AMPH: variants seen among roughly 807,000 people sequenced by gnomAD.
The protein encoded by AMPH is amphiphysin, also known as amphiphysin (Stiff-Mann syndrome with breast cancer 128kD autoantigen).
Under a neutral mutation model 99.1 loss-of-function variants are expected in AMPH, and 49 were observed. The observed-to-expected ratio is 0.49, with a 90% CI of 0.39 to 0.63. AMPH has a LOEUF of 0.63. Ranked by LOEUF, AMPH falls within the 20% of genes least tolerant of loss-of-function variation. The pLI, the probability that AMPH is intolerant of heterozygous loss-of-function variation, is 0.00. For missense variants in AMPH, 759 were observed against 863.4 expected (o/e 0.88, Z 1.52); for synonymous variants, 314 against 317.3 (o/e 0.99, Z 0.11).
At chr7:38,488,720 A>G (rs1034381881) in intron 5 of AMPH, among the ~76,000 whole-genome samples, 2 of 152,188 alleles carry the variant, frequency 1.3e-5, no homozygotes, top group Non-Finnish European at 2.9e-5. Context: ...CTGAGAAAGA[A>G]GTTACGAGAG....
rs139981853 is a variant in AMPH at position 38,468,425 on chromosome 7, A to C, written c.591-2177T>G. Among the ~76,000 whole-genome samples the C allele has an allele frequency of 4.0e-3, 606 of 152,290 alleles. 2 individuals are homozygous for C. The highest frequency in any genetic ancestry group is 0.014 in the African/African-American group (574 of 41,570). On this transcript the variant is annotated intron_variant, in intron 7 of 20. Transcript: ENST00000356264. ...TAGGCAAAAACAAAAAAGAAGTCCCATTCTTCTATATTTCAATTTTGTTTT... is the reference window on the plus strand; with the variant it reads ...TAGGCAAAAACAAAAAAGAAGTCCCCTTCTTCTATATTTCAATTTTGTTTT...
intron 3 of AMPH, 109 bp downstream of exon 3, chr7:38,503,541 C>T: frequency 1.0e-6 from 1 of 976,556 alleles, no homozygotes; most frequent in South Asian, 1.4e-5. Flanking sequence ...AAGCATCCAT[C>T]TTGCCAGGAA....
Position 38,567,406 on chromosome 7 carries a change from A to T in AMPH, c.70-32395T>A, listed in dbSNP as rs138280448. 3.6e-3 allele frequency among the ~76,000 whole-genome samples: 549 copies of T among 152,266 alleles called. 2 individuals carry two copies. Among genetic ancestry groups the T allele is most frequent in the Non-Finnish European group, 5.6e-3 (380 of 68,016 alleles). ...CCTGTCAGGGGTTGGGGGCTGGGGG[A>T]TGGATAGCATTAGGAGAAATACCTA... is the stretch of plus-strand genomic sequence containing the variant. On this transcript the variant is annotated intron_variant, in intron 1 of 20. Transcript: ENST00000356264.
intron 15 of AMPH, among the ~76,000 whole-genome samples, chr7:38,425,247 A>G (rs532581065): frequency 6.6e-6 from 1 of 152,332 alleles, no homozygotes; most frequent in South Asian, 2.1e-4. Flanking sequence ...AGAGCCAGTG[A>G]GAACAGCTCT....
chr7:38,463,688 CT>C (rs1344420788), intron 9 of AMPH, among the ~76,000 whole-genome samples: 4 of 152,164 alleles, frequency 2.6e-5, no homozygotes, highest in Non-Finnish European at 2.9e-5. Flanking sequence ...AATTATTTCT[CT>C]TTCTAGACCT....
intron 1 of AMPH, among the ~76,000 whole-genome samples, chr7:38,611,477 TA>T (rs1353132424): frequency 1.3e-5 from 2 of 152,218 alleles, no homozygotes; most frequent in Non-Finnish European, 2.9e-5. Flanking sequence ...CTTACCACAA[TA>T]ATTTTTTTTT....
At position 38,384,910 on chromosome 7, in the gene AMPH, C is replaced by T; in HGVS notation, c.1996G>A (p.Val666Met). Residue 666 changes from valine (V) to methionine (M), a missense_variant, in exon 21 of 21, where the codon GTG (valine) becomes ATG (methionine). Around this residue, in one of 2 missense-constraint regions of AMPH, gnomAD observed 554 missense variants for 575.6 expected, o/e 0.96. Transcript: ENST00000356264. The stretch of plus-strand genomic sequence containing the variant: ...AGCCAGTCTGATTCCTTCACTCCCA[C>T]CAGCCAGCCTGCATCCTGAAAAACA... ...SEADQDAGWL[V>M]GVKESDWLQY... 6.2e-7 allele frequency: 1 copy of T among 1,613,660 alleles called. No individual in the cohort carries two copies.
At chr7:38,450,120 GGGAGCATGGTA>G (rs1453768318) in intron 11 of AMPH, among the ~76,000 whole-genome samples, 2 of 152,234 alleles carry the variant, frequency 1.3e-5, no homozygotes, top group Non-Finnish European at 2.9e-5. Context: ...ATGTCTGCAT[GGGAGCATGGTA>G]GGCATTCCTA....
At chr7:38,549,492 G>A (rs557458552) in intron 1 of AMPH, among the ~76,000 whole-genome samples, 8 of 152,210 alleles carry the variant, frequency 5.3e-5, no homozygotes, top group Non-Finnish European at 1.2e-4. Context: ...TCAGAGACAA[G>A]AAGCCCAACC....
Position 38,458,076 on chromosome 7 carries a change from T to A in AMPH, c.1017+3207A>T, listed in dbSNP as rs1370402092. 6.6e-5 allele frequency among the ~76,000 whole-genome samples: 10 copies of A among 152,068 alleles called. No homozygotes were observed. The East Asian group carries it at 1.7e-3, about 26-fold the overall frequency. ...GTCTCACAAAAAGATTGCGGAGGGATGGAGGGAGGTGGGCAAAGGTAAAAT... is the reference window on the plus strand; with the variant it reads ...GTCTCACAAAAAGATTGCGGAGGGAAGGAGGGAGGTGGGCAAAGGTAAAAT... On this transcript the variant is annotated intron_variant, in intron 11 of 20. Transcript: ENST00000356264.
intron 7 of AMPH, among the ~76,000 whole-genome samples, chr7:38,471,007 T>C (rs943045444): frequency 2.6e-5 from 4 of 152,194 alleles, no homozygotes; most frequent in African/African-American, 7.2e-5. Flanking sequence ...TTCCCTGTCC[T>C]TCAATATAAG....
intron 1 of AMPH, among the ~76,000 whole-genome samples, chr7:38,597,345 C>A (rs1215047010): frequency 1.3e-5 from 2 of 151,918 alleles, no homozygotes; most frequent in Non-Finnish European, 2.9e-5. Flanking sequence ...TGAATATTTG[C>A]CCCATAAGAG....
chr7:38,439,960 G>A (rs914560530), intron 11 of AMPH, among the ~76,000 whole-genome samples: 3 of 152,196 alleles, frequency 2.0e-5, no homozygotes, highest in African/African-American at 7.2e-5. Context: ...TTGACCATAT[G>A]TCATGCTTTA....
chr7:38,457,396 G>C (rs1030573620), intron 11 of AMPH, among the ~76,000 whole-genome samples: 2 of 152,182 alleles, frequency 1.3e-5, no homozygotes, highest in African/African-American at 4.8e-5. Context: ...TGGAACTGAA[G>C]AATTTGTTGA....
intron 11 of AMPH, among the ~76,000 whole-genome samples, chr7:38,451,592 T>G (rs7802173): frequency 0.13 from 19,111 of 151,938 alleles, 2,160 homozygotes; most frequent in East Asian, 0.35. Flanking sequence ...GAGAAATTCT[T>G]CCCTAAACAA....
intron 1 of AMPH, among the ~76,000 whole-genome samples, chr7:38,580,641 G>A (rs1792413493): frequency 6.6e-6 from 1 of 151,152 alleles, no homozygotes; most frequent in Admixed American, 6.6e-5. Flanking sequence ...CTGAGGATGA[G>A]AAGTCCAAGA....
intron 1 of AMPH, among the ~76,000 whole-genome samples, chr7:38,609,565 C>A (rs979203059): frequency 1.3e-5 from 2 of 152,106 alleles, no homozygotes; most frequent in Non-Finnish European, 2.9e-5. Context: ...CTTATTACAC[C>A]CATTAAAAAC....
rs75479603 is a variant in AMPH, at chr7:38,477,036, G to A, written c.397-67C>T. ...ATAAGAGTCTCCCTTTGACAGCCAG[G>A]TGCCAAAATGCTTTCCTTGGCCAGA... On this transcript the variant is annotated intron_variant, in intron 5 of 20. Coordinates refer to ENST00000356264, the MANE Select transcript of AMPH (RefSeq NM_001635.4). 8.2e-4 allele frequency: 1,159 copies of A among 1,414,614 alleles called. 7 individuals are homozygous for A. In the African/African-American group the frequency reaches 0.014, roughly 17 times the overall value. The allele number at this position is 1,414,614 out of a possible 1,614,324, so 87.6% of individuals were successfully genotyped here.
chr7:38,626,088 G>A (rs1051147649), intron 1 of AMPH, among the ~76,000 whole-genome samples: 1 of 152,150 alleles, frequency 6.6e-6, no homozygotes, highest in African/African-American at 2.4e-5. Context: ...AAATCTCATG[G>A]TTAGCACTAT....
Sources: gnomAD v4.1 joint callset for allele counts (sites outside exome capture counted in the v4.1 genomes callset) on GRCh38, gnomAD v4.1.1 for gene constraint, gnomAD v4.1.1 regional missense constraint, MANE v1.5 for transcripts, NCBI Gene and HGNC (gene_info 2026-07-23, HGNC 2026-07-21) for gene names.